Variants in GALNT18 observed in about 807,000 individuals in gnomAD.
GALNT18 encodes the protein polypeptide N-acetylgalactosaminyltransferase 18.
In GALNT18, 44 loss-of-function variants were observed where a neutral mutation model predicts 69.5. The ratio of observed to expected loss-of-function variants is 0.63; its 90% CI spans 0.50 to 0.81. The LOEUF is 0.81. Among genes scored for constraint, GALNT18 ranks in the 40% least tolerant of loss-of-function variants. The pLI, the probability that GALNT18 is intolerant of heterozygous loss-of-function variation, is 0.00. For synonymous variants in GALNT18, 364 were observed against 318.2 expected (o/e 1.14, Z -1.53); for missense variants, 715 against 810.0 (o/e 0.88, Z 1.42).
At chr11:11,395,497 C>A (rs1047355759) in intron 3 of GALNT18, among the ~76,000 whole-genome samples, 1 of 152,180 alleles carries the variant, frequency 6.6e-6, no homozygotes, top group Admixed American at 6.5e-5. Context: ...GATGGGGAAA[C>A]TGAGACCCAG....
chr11:11,343,671 T>C (rs947900358), intron 6 of GALNT18, among the ~76,000 whole-genome samples: 1 of 152,202 alleles, frequency 6.6e-6, no homozygotes, highest in Non-Finnish European at 1.5e-5. Flanking sequence ...GAAGAAGTTA[T>C]TGACAACACA....
chr11:11,531,594 G>A (rs559808879), intron 1 of GALNT18, among the ~76,000 whole-genome samples: 2 of 152,320 alleles, frequency 1.3e-5, no homozygotes, highest in East Asian at 3.9e-4. Context: ...TAGCAGAGTG[G>A]TCAGGGTATT....
At chr11:11,599,975 T>C (rs910589575) in intron 1 of GALNT18, among the ~76,000 whole-genome samples, 1 of 152,050 alleles carries the variant, frequency 6.6e-6, no homozygotes, top group Non-Finnish European at 1.5e-5. Context: ...GCTTACAATA[T>C]ACCTCTTGAC....
Position 11,587,029 on chromosome 11 carries a change from C to T in GALNT18, c.235+34330G>A, listed in dbSNP as rs2133920269. Among the ~76,000 whole-genome samples, 1 of 151,830 alleles carries T rather than the reference C, an allele frequency of 6.6e-6. No homozygotes were observed. Among genetic ancestry groups the T allele is most frequent in the South Asian group, 2.1e-4 (1 of 4,816 alleles). On this transcript the variant is annotated intron_variant, in intron 1 of 10. Coordinates refer to ENST00000227756, the MANE Select transcript of GALNT18 (RefSeq NM_198516.3). The surrounding 1 kb of genome is among the most constrained non-coding windows in gnomAD (Gnocchi z 4.4). ...ATAAATAAATAAACTCAAATTTCCT[C>T]CCATTTTAGAAAAAGCTGCTTTCCC... is the stretch of plus-strand genomic sequence containing the variant.
Position 11,596,635 on chromosome 11 carries a change from T to C in GALNT18, c.235+24724A>G, listed in dbSNP as rs868061068. Among the ~76,000 whole-genome samples the C allele has an allele frequency of 7.9e-5, 12 of 152,194 alleles. No homozygotes were observed. Among genetic ancestry groups the C allele is most frequent in the Non-Finnish European group, 1.5e-4 (10 of 68,004 alleles). On this transcript the variant is annotated intron_variant, in intron 1 of 10. Coordinates refer to ENST00000227756, the MANE Select transcript of GALNT18 (RefSeq NM_198516.3). This position sits in a 1 kb window ranked among gnomAD's most constrained non-coding sequence, Gnocchi z 4.2. ...CTTTTTGATTCCATTATACATGATT[T>C]TTTATAGTTTGTTTTCAGATCGCCC...
chr11:11,568,306 G>A (rs1330194608), intron 1 of GALNT18, among the ~76,000 whole-genome samples: 1 of 152,104 alleles, frequency 6.6e-6, no homozygotes, highest in Non-Finnish European at 1.5e-5. Flanking sequence ...CAATACAGGA[G>A]TAGCAGGTAG....
chr11:11,394,526 T>C (rs12418191), intron 3 of GALNT18, among the ~76,000 whole-genome samples: 36,780 of 152,154 alleles, frequency 0.24, 4,537 homozygotes, highest in Middle Eastern at 0.34. Flanking sequence ...GAAGAACTTT[T>C]CATCAATTTC....
intron 1 of GALNT18, among the ~76,000 whole-genome samples, chr11:11,574,342 C>T (rs1437319475): frequency 1.3e-5 from 2 of 152,190 alleles, no homozygotes; most frequent in African/African-American, 2.4e-5. Flanking sequence ...AAATCTGCTC[C>T]CTAGACTGGG....
At chr11:11,466,844 G>A (rs561846927) in intron 1 of GALNT18, among the ~76,000 whole-genome samples, 1 of 152,298 alleles carries the variant, frequency 6.6e-6, no homozygotes, top group South Asian at 2.1e-4. Flanking sequence ...GACCTGGGCA[G>A]GGTGTTCCTG....
chr11:11,528,082 G>A (rs1317263393), intron 1 of GALNT18, among the ~76,000 whole-genome samples: 1 of 152,208 alleles, frequency 6.6e-6, no homozygotes, highest in Non-Finnish European at 1.5e-5. Context: ...CCTAGAGAAT[G>A]TTACGGAAAG....
rs114746013 is a variant in GALNT18, at chr11:11,301,724, C to T, written c.1513-8531G>A. Reference sequence around the variant, plus strand: ...GGAACTCAGCCCATCAGTGAGGAGTCGATCCCATTCAATTCAACAAACACC... The same window carrying T: ...GGAACTCAGCCCATCAGTGAGGAGTTGATCCCATTCAATTCAACAAACACC... On this transcript the variant is annotated intron_variant, in intron 9 of 10. Transcript: ENST00000227756. Among the ~76,000 whole-genome samples, 396 of 152,276 alleles carry T rather than the reference C, an allele frequency of 2.6e-3. 1 individual carries two copies. The highest frequency in any genetic ancestry group is 8.8e-3 in the African/African-American group (365 of 41,556).
rs151022909 is a variant in GALNT18 at position 11,557,937 on chromosome 11, C to T, written c.235+63422G>A. Among the ~76,000 whole-genome samples the T allele has an allele frequency of 2.7e-3, 405 of 152,280 alleles. 4 individuals are homozygous for T. The highest frequency in any genetic ancestry group is 0.017 in the South Asian group (84 of 4,820). ...TTATTTGTCAAACTCAACTGAAGAACGAATTCAGCTGCGAGTGTTTTTGAG... is the reference window on the plus strand; with the variant it reads ...TTATTTGTCAAACTCAACTGAAGAATGAATTCAGCTGCGAGTGTTTTTGAG... On this transcript the variant is annotated intron_variant, in intron 1 of 10. Coordinates refer to ENST00000227756, the MANE Select transcript of GALNT18 (RefSeq NM_198516.3).
At chr11:11,477,585 A>G (rs1006259391) in intron 1 of GALNT18, among the ~76,000 whole-genome samples, 4 of 152,198 alleles carry the variant, frequency 2.6e-5, no homozygotes, top group African/African-American at 9.7e-5. Flanking sequence ...GCTGGGAGAG[A>G]CAAGCAGGAA....
At chr11:11,572,435 C>G (rs7118819) in intron 1 of GALNT18, among the ~76,000 whole-genome samples, 3 of 152,040 alleles carry the variant, frequency 2.0e-5, no homozygotes, top group Admixed American at 2.0e-4. Context: ...GTTACTGTTG[C>G]TATTTCTGTT....
intron 2 of GALNT18, among the ~76,000 whole-genome samples, chr11:11,440,568 G>A (rs1450212802): frequency 3.3e-5 from 5 of 152,308 alleles, no homozygotes; most frequent in African/African-American, 1.2e-4. Context: ...GGCCTCTGAC[G>A]CCCAGAATTC....
At chr11:11,493,514 A>T (rs1359107762) in intron 1 of GALNT18, among the ~76,000 whole-genome samples, 2 of 152,202 alleles carry the variant, frequency 1.3e-5, no homozygotes, top group Non-Finnish European at 2.9e-5. Flanking sequence ...TAATAATATT[A>T]GCCAATATTG....
rs534636197 is a variant in GALNT18, at chr11:11,459,595, G to A, written c.236-10659C>T. ...GGAGCTCTGGAGGCACCTCTGCCCT[G>A]GATTGGCTGTGTGACCCTCATCAAG... On this transcript the variant is annotated intron_variant, in intron 1 of 10. Coordinates refer to ENST00000227756, the MANE Select transcript of GALNT18 (RefSeq NM_198516.3). This position sits in a 1 kb window ranked among gnomAD's most constrained non-coding sequence, Gnocchi z 5.0. Among the ~76,000 whole-genome samples the A allele has an allele frequency of 9.2e-4, 140 of 152,264 alleles. No individual in the cohort carries two copies. Among genetic ancestry groups the A allele is most frequent in the Non-Finnish European group, 1.6e-3 (112 of 68,012 alleles).
At chr11:11,426,058 G>A (rs756911988) in intron 3 of GALNT18, among the ~76,000 whole-genome samples, 1 of 152,218 alleles carries the variant, frequency 6.6e-6, no homozygotes, top group Non-Finnish European at 1.5e-5. Flanking sequence ...GATGAGGAGG[G>A]GAGGGGAAAC....
intron 3 of GALNT18, among the ~76,000 whole-genome samples, chr11:11,406,288 A>T (rs1268225697): frequency 1.3e-5 from 2 of 152,232 alleles, no homozygotes; most frequent in Non-Finnish European, 1.5e-5. Context: ...GAGGATAATC[A>T]TCATAATGTC....
Sources: gnomAD v4.1 joint callset for allele counts (sites outside exome capture counted in the v4.1 genomes callset) on GRCh38, gnomAD v4.1.1 for gene constraint, Gnocchi (gnomAD v3.1) non-coding constraint, MANE v1.5 for transcripts, NCBI Gene and HGNC (gene_info 2026-07-23, HGNC 2026-07-21) for gene names.